Variants in RASAL2 observed in about 807,000 individuals in gnomAD.
RASAL2 encodes the protein ras GTPase-activating protein nGAP.
RASAL2 carries 58 observed loss-of-function variants against 128.9 expected under a neutral mutation model. The observed-to-expected ratio is 0.45, with a 90% CI of 0.36 to 0.56. The LOEUF is 0.56. RASAL2 is among the 20% of genes least tolerant of loss of function. The pLI is 0.00. For synonymous variants in RASAL2, 561 were observed against 580.8 expected, an observed-to-expected ratio of 0.97 and a Z score of 0.49; for missense variants, 1,360 against 1,601.6, an observed-to-expected ratio of 0.85 and a Z score of 2.57.
chr1:178,178,999 A>C (rs1226706287), intron 1 of RASAL2, among the ~76,000 whole-genome samples: 1 of 152,196 alleles, frequency 6.6e-6, no homozygotes, highest in Non-Finnish European at 1.5e-5. Flanking sequence ...AGTGCCTTTT[A>C]TGTGACTAGA....
chr1:178,213,166 G>A (rs1663312834), intron 1 of RASAL2, among the ~76,000 whole-genome samples: 5 of 152,108 alleles, frequency 3.3e-5, no homozygotes, highest in Admixed American at 3.3e-4. Context: ...CTCTGGAGTA[G>A]CTGGGACTAC....
At chr1:178,124,919 C>T (rs539376450) in intron 1 of RASAL2, among the ~76,000 whole-genome samples, 80 of 152,262 alleles carry the variant, frequency 5.3e-4, no homozygotes, top group African/African-American at 1.9e-3. Context: ...TTTCCTTTCT[C>T]CATAAGCTTT....
At chr1:178,151,849 T>A (rs1345138444) in intron 1 of RASAL2, among the ~76,000 whole-genome samples, 1 of 152,236 alleles carries the variant, frequency 6.6e-6, no homozygotes, top group African/African-American at 2.4e-5. Flanking sequence ...GCTGTTCCAC[T>A]GTACCCAGAG....
At chr1:178,207,982 A>G (rs1026399326) in intron 1 of RASAL2, among the ~76,000 whole-genome samples, 12 of 152,212 alleles carry the variant, frequency 7.9e-5, no homozygotes, top group Admixed American at 5.9e-4. Context: ...ATGGACATTT[A>G]TCAGTTCCCA....
chr1:178,243,524 C>T (rs558998008), intron 1 of RASAL2, among the ~76,000 whole-genome samples: 2 of 151,386 alleles, frequency 1.3e-5, no homozygotes, highest in Admixed American at 1.3e-4. Flanking sequence ...AAGAAGAATG[C>T]TTTCCCTGGC....
Position 178,270,527 on chromosome 1 carries a change from A to G in RASAL2, c.203-13037A>G, listed in dbSNP as rs150798408. ...AAAATATCTTATTTTTGTTTCCTGGATGCCATTTTTTCTTGTATCTGTCTC... is the reference window on the plus strand; with the variant it reads ...AAAATATCTTATTTTTGTTTCCTGGGTGCCATTTTTTCTTGTATCTGTCTC... On this transcript the variant is annotated intron_variant, in intron 1 of 17. Coordinates refer to ENST00000367649, the MANE Select transcript of RASAL2 (RefSeq NM_170692.4). Among the ~76,000 whole-genome samples the G allele has an allele frequency of 8.7e-5, 13 of 148,988 alleles. No homozygotes were observed. In the East Asian group the frequency reaches 2.4e-3, roughly 27 times the overall value.
chr1:178,277,737 A>G (rs186357063), intron 1 of RASAL2, among the ~76,000 whole-genome samples: 43 of 152,274 alleles, frequency 2.8e-4, no homozygotes, highest in African/African-American at 1.0e-3. Context: ...GTGTATTAAG[A>G]CCTTCCCTAT....
chr1:178,376,542 A>T (rs530764975), intron 3 of RASAL2, among the ~76,000 whole-genome samples: 1 of 152,146 alleles, frequency 6.6e-6, no homozygotes, highest in Non-Finnish European at 1.5e-5. Flanking sequence ...TTTTGAAGGG[A>T]GAAAGAAAAA....
chr1:178,144,754 A>G (rs1425619846), intron 1 of RASAL2, among the ~76,000 whole-genome samples: 10 of 152,326 alleles, frequency 6.6e-5, no homozygotes, highest in African/African-American at 1.9e-4. Context: ...AGTAATCACT[A>G]TTCAGTTTTG....
rs181917080 is a variant in RASAL2 at position 178,243,148 on chromosome 1, T to C, written c.203-40416T>C. Among the ~76,000 whole-genome samples, 369 of 152,318 alleles carry C rather than the reference T, an allele frequency of 2.4e-3. 1 individual carries two copies. Among genetic ancestry groups the C allele is most frequent in the African/African-American group, 8.6e-3 (358 of 41,588 alleles). ...AGCAGGGAGTTGCCCTACTCAAGTTTAGCATGCAGCTCCAAGCCTACAGTA... is the reference window on the plus strand; with the variant it reads ...AGCAGGGAGTTGCCCTACTCAAGTTCAGCATGCAGCTCCAAGCCTACAGTA... On this transcript the variant is annotated intron_variant, in intron 1 of 17. Coordinates refer to ENST00000367649, the MANE Select transcript of RASAL2 (RefSeq NM_170692.4).
At chr1:178,198,839 G>C (rs1250499650) in intron 1 of RASAL2, among the ~76,000 whole-genome samples, 1 of 152,202 alleles carries the variant, frequency 6.6e-6, no homozygotes, top group African/African-American at 2.4e-5. Flanking sequence ...GAGAACTACT[G>C]CTCTCTTCAG....
At chr1:178,166,184 TTG>T (rs1410435546) in intron 1 of RASAL2, among the ~76,000 whole-genome samples, 4 of 152,108 alleles carry the variant, frequency 2.6e-5, no homozygotes, top group Non-Finnish European at 5.9e-5. Context: ...GATTGTGTGT[TTG>T]TGGTCAATCT....
chr1:178,338,525 A>T (rs1433764350), intron 3 of RASAL2, among the ~76,000 whole-genome samples: 3 of 152,218 alleles, frequency 2.0e-5, no homozygotes, highest in African/African-American at 7.2e-5. Context: ...ATGGAGGGAA[A>T]ATACATTATC....
chr1:178,336,001 C>T (rs1410568312), intron 3 of RASAL2, among the ~76,000 whole-genome samples: 2 of 151,838 alleles, frequency 1.3e-5, no homozygotes, highest in South Asian at 2.1e-4. Flanking sequence ...GAAAGCACTC[C>T]AAGAGCCAGC....
At chr1:178,228,576 G>A (rs913126980) in intron 1 of RASAL2, among the ~76,000 whole-genome samples, 11 of 152,050 alleles carry the variant, frequency 7.2e-5, no homozygotes, top group Admixed American at 6.5e-4. Context: ...ACTCCGTCCC[G>A]GGGAAACGAA....
At chr1:178,412,855 C>T (rs1674489098) in intron 4 of RASAL2, among the ~76,000 whole-genome samples, 1 of 152,118 alleles carries the variant, frequency 6.6e-6, no homozygotes, top group Non-Finnish European at 1.5e-5. Context: ...TCCTAGAGTC[C>T]TACCAGGTTC....
chr1:178,336,619 A>G (rs1669598300), intron 3 of RASAL2, among the ~76,000 whole-genome samples: 1 of 151,700 alleles, frequency 6.6e-6, no homozygotes, highest in Non-Finnish European at 1.5e-5. Context: ...ATGTATGTGT[A>G]TATATAAAAA....
intron 3 of RASAL2, among the ~76,000 whole-genome samples, chr1:178,364,219 G>A (rs1671278593): frequency 6.6e-6 from 1 of 152,118 alleles, no homozygotes; most frequent in African/African-American, 2.4e-5. Flanking sequence ...AAGGAAAAGA[G>A]TTTTACTTCT....
At chr1:178,142,510 G>A (rs1230103975) in intron 1 of RASAL2, among the ~76,000 whole-genome samples, 1 of 152,164 alleles carries the variant, frequency 6.6e-6, no homozygotes, top group Non-Finnish European at 1.5e-5. Context: ...ACAGCATTTC[G>A]TATGGGCTAA....
Sources: allele counts gnomAD v4.1 joint callset (sites outside exome capture counted in the v4.1 genomes callset), GRCh38; gene constraint gnomAD v4.1.1; transcripts MANE v1.5; gene names NCBI Gene and HGNC (gene_info 2026-07-23, HGNC 2026-07-21).